DENND2B: variants seen among roughly 807,000 people sequenced by gnomAD.
The protein encoded by DENND2B is DENN domain containing 2B.
In DENND2B, 32 loss-of-function variants were observed where a neutral mutation model predicts 116.0. The ratio of observed to expected loss-of-function variants is 0.28; its 90% CI spans 0.21 to 0.37. The LOEUF (loss-of-function observed/expected upper bound fraction) is 0.37. DENND2B is among the 10% of genes least tolerant of loss of function. DENND2B has a pLI of 1.00. For synonymous variants in DENND2B, 588 were observed against 583.9 expected, an observed-to-expected ratio of 1.01 and a Z score of -0.10; for missense variants, 1,276 against 1,477.7, an observed-to-expected ratio of 0.86 and a Z score of 2.24.
Position 8,707,819 on chromosome 11 carries a change from G to A in DENND2B, c.2388C>T (p.Tyr796=). ...SGKGPRLPEV[Y]CVISRLGCFG... ...AGCAGCCAAGGCGGCTGATGACACA[G>A]TACACCTCTGGCAACCGGGGCCCTT... Residue 796 remains tyrosine, a synonymous_variant, in exon 12 of 20, where the codon TAC becomes TAT. Coordinates refer to ENST00000313726, the MANE Select transcript of DENND2B (RefSeq NM_213618.2). The surrounding 1 kb of genome is among the most constrained non-coding windows in gnomAD (Gnocchi z 4.8). 6.2e-7 allele frequency: 1 copy of A among 1,611,798 alleles called. No individual in the cohort carries two copies. The highest frequency in any genetic ancestry group is 8.5e-7 in the Non-Finnish European group (1 of 1,179,188).
chr11:8,763,763 T>G lies in DENND2B; in HGVS notation c.-25-13038A>C, dbSNP rs990672433. Among the ~76,000 whole-genome samples the G allele has an allele frequency of 2.0e-5, 3 of 152,116 alleles. No individual in the cohort carries two copies. In the East Asian group the frequency reaches 5.8e-4, roughly 29 times the overall value. On this transcript the variant is annotated intron_variant, in intron 1 of 19. Transcript: ENST00000313726. ...GGGATATTGATAATAGACTGTTTCT[T>G]GATCTGAGTGTTGGTTACATGGGTT...
chr11:8,756,078 T>C (rs1012219835), intron 1 of DENND2B, among the ~76,000 whole-genome samples: 3 of 152,164 alleles, frequency 2.0e-5, no homozygotes, highest in African/African-American at 7.2e-5. Context: ...TTTTCAACTG[T>C]AGCAATGATC....
At chr11:8,806,639 C>CACACACACACACACACACA (rs1565991413) in intron 1 of DENND2B, among the ~76,000 whole-genome samples, 96 of 147,700 alleles carry the variant, frequency 6.5e-4, no homozygotes, top group South Asian at 1.5e-3. Context: ...CACACACACA[C>CACACACACACACACACACA]CCAGGAGAGC....
intron 1 of DENND2B, chr11:8,787,036 TTCTATTTTACCAAACAGGAA>T (rs1213447217): frequency 1.3e-5 from 2 of 152,178 alleles, no homozygotes; most frequent in African/African-American, 4.8e-5. Flanking sequence ...ATGTTACCAA[TTCTATTTTACCAAACAGGAA>T]AACCAAGGCC....
chr11:8,789,601 T>TAG (rs2134319058), intron 1 of DENND2B, among the ~76,000 whole-genome samples: 1 of 152,304 alleles, frequency 6.6e-6, no homozygotes, highest in African/African-American at 2.4e-5. Context: ...ATCAGGTCTC[T>TAG]AGATCTAAGT....
chr11:8,896,331 T>C (rs1163787910), intron 1 of DENND2B, among the ~76,000 whole-genome samples: 1 of 152,148 alleles, frequency 6.6e-6, no homozygotes, highest in Non-Finnish European at 1.5e-5. Flanking sequence ...AAGTAAGCCT[T>C]AAGAGAGTCC....
At chr11:8,706,286 G>A (rs1030667560) in intron 13 of DENND2B, among the ~76,000 whole-genome samples, 2 of 152,036 alleles carry the variant, frequency 1.3e-5, no homozygotes, top group Non-Finnish European at 2.9e-5. Context: ...GAAAATATAC[G>A]TCAGATCTTA....
At chr11:8,860,511 GA>G (rs1242529123) in intron 2 of DENND2B, among the ~76,000 whole-genome samples, 14 of 151,876 alleles carry the variant, frequency 9.2e-5, no homozygotes. Flanking sequence ...ACTACAAGGA[GA>G]ACTACAAAAC....
chr11:8,765,115 T>C (rs180874987), intron 1 of DENND2B, among the ~76,000 whole-genome samples: 2 of 152,176 alleles, frequency 1.3e-5, no homozygotes, highest in Admixed American at 1.3e-4. Flanking sequence ...TTCTTCCCCA[T>C]CTAGGGAAAG....
intron 1 of DENND2B, among the ~76,000 whole-genome samples, chr11:8,751,497 C>T (rs2052478775): frequency 6.6e-6 from 1 of 152,178 alleles, no homozygotes; most frequent in Admixed American, 6.5e-5. Context: ...TGGGTCCACA[C>T]TGCCTTTATG....
At chr11:8,894,637 C>T (rs923621079) in intron 1 of DENND2B, among the ~76,000 whole-genome samples, 95 of 152,144 alleles carry the variant, frequency 6.2e-4, no homozygotes, top group Non-Finnish European at 1.0e-3. Flanking sequence ...AGCCAACAGA[C>T]ACATCAAAAA....
chr11:8,718,041 G>A (rs569649848), intron 4 of DENND2B, 149 bp from the exon 5 acceptor site: 23 of 788,290 alleles, frequency 2.9e-5, no homozygotes, highest in East Asian at 1.9e-4. Flanking sequence ...GCAGCTGCCC[G>A]TCTGCAGTGG....
chr11:8,861,161 G>T (rs1470776174), intron 2 of DENND2B, among the ~76,000 whole-genome samples: 1 of 152,036 alleles, frequency 6.6e-6, no homozygotes, highest in Non-Finnish European at 1.5e-5. Flanking sequence ...AAAAGCGAAT[G>T]TAACAACAAA....
intron 4 of DENND2B, among the ~76,000 whole-genome samples, chr11:8,821,465 G>T (rs988574380): frequency 6.6e-6 from 1 of 151,680 alleles, no homozygotes; most frequent in African/African-American, 2.4e-5. Context: ...TGTAGTCCCC[G>T]CTACACAGGA....
chr11:8,855,108 G>A (rs545888438), intron 3 of DENND2B, among the ~76,000 whole-genome samples: 14 of 151,626 alleles, frequency 9.2e-5, no homozygotes, highest in African/African-American at 2.9e-4. Flanking sequence ...TCACACCACT[G>A]CATTCCAGCC....
chr11:8,700,198 C>T (rs1256245411), intron 14 of DENND2B, among the ~76,000 whole-genome samples: 1 of 152,210 alleles, frequency 6.6e-6, no homozygotes, highest in Non-Finnish European at 1.5e-5. Flanking sequence ...CAAAGCTGGG[C>T]AGTCAGGGGC....
chr11:8,851,502 G>T (rs1050043165), intron 3 of DENND2B, among the ~76,000 whole-genome samples: 1 of 152,020 alleles, frequency 6.6e-6, no homozygotes, highest in Non-Finnish European at 1.5e-5. Flanking sequence ...TTTTAGTTTG[G>T]CAAGAATGGC....
rs190770617 is a variant in DENND2B at position 8,702,985 on chromosome 11, C to T, written c.2572-265G>A. Reference sequence around the variant, plus strand: ...AGAAGGAAGGAGTTGAGGGGCCATCCATCGGGACCTCAGGAAGAGAGGAGA... The same window carrying T: ...AGAAGGAAGGAGTTGAGGGGCCATCTATCGGGACCTCAGGAAGAGAGGAGA... On this transcript the variant is annotated intron_variant, in intron 13 of 19. Coordinates refer to ENST00000313726, the MANE Select transcript of DENND2B (RefSeq NM_213618.2). The surrounding 1 kb of genome is among the most constrained non-coding windows in gnomAD (Gnocchi z 4.6). 148 of 471,032 alleles carry T rather than the reference C, an allele frequency of 3.1e-4. No individual in the cohort carries two copies. Among genetic ancestry groups the T allele is most frequent in the Middle Eastern group, 2.8e-3 (5 of 1,756 alleles). The allele number at this position is 471,032 out of a possible 1,614,324, so 29.2% of individuals were successfully genotyped here.
intron 2 of DENND2B, among the ~76,000 whole-genome samples, chr11:8,743,066 GAAAAA>G (rs776602698): frequency 1.3e-5 from 2 of 151,506 alleles, no homozygotes; most frequent in Admixed American, 6.6e-5. Flanking sequence ...CTCCATCTCA[GAAAAA>G]GAAAAGAAGA....
Sources: gnomAD v4.1 joint callset for allele counts (sites outside exome capture counted in the v4.1 genomes callset) on GRCh38, gnomAD v4.1.1 for gene constraint, Gnocchi (gnomAD v3.1) non-coding constraint, MANE v1.5 for transcripts, NCBI Gene and HGNC (gene_info 2026-07-23, HGNC 2026-07-21) for gene names.